NIT2: variants seen among roughly 807,000 people sequenced by gnomAD.
NIT2 encodes nitrilase family member 2, also known as omega-amidase NIT2.
Under a neutral mutation model 42.7 loss-of-function variants are expected in NIT2, and 46 were observed. The ratio of observed to expected loss-of-function variants is 1.08; its 90% CI spans 0.85 to 1.38. NIT2 has a LOEUF of 1.38. NIT2 is among the 40% of genes most tolerant of loss of function. The probability of loss-of-function intolerance (pLI) is 0.00; values close to 1 mark genes in which losing one functional copy is unlikely to be tolerated. For synonymous variants in NIT2, 123 were observed against 121.9 expected (o/e 1.01, Z -0.06); for missense variants, 309 against 342.5 (o/e 0.90, Z 0.77).
At chr3:100,336,698 CT>C (rs1226325527) in intron 1 of NIT2, among the ~76,000 whole-genome samples, 1 of 152,232 alleles carries the variant, frequency 6.6e-6, no homozygotes. Flanking sequence ...GCCTGTCCCC[CT>C]TCCAGCCCTA....
At chr3:100,349,107 A>AT in intron 7 of NIT2, 42 of 316,728 alleles carry the variant, frequency 1.3e-4, no homozygotes, top group South Asian at 5.5e-4. Flanking sequence ...TGGAAACTGT[A>AT]CTTTTTTTTT....
chr3:100,354,799 AG>A lies in NIT2; in HGVS notation c.712del (p.Glu238LysfsTer9). 1 of 1,610,378 alleles carries A rather than the reference AG, an allele frequency of 6.2e-7. No homozygotes were observed. Among genetic ancestry groups the A allele is most frequent in the Non-Finnish European group, 8.5e-7 (1 of 1,178,158 alleles). ...WGEVLAKAGT[E>X]EAIVYSDIDL... Reference sequence around the variant, plus strand: ...GGGAGGTTCTAGCCAAAGCTGGCACAGAAGAAGCAATCGTGTATTCAGACAT... The same window carrying A: ...GGGAGGTTCTAGCCAAAGCTGGCACAAAGAAGCAATCGTGTATTCAGACAT... On this transcript the variant is annotated frameshift_variant, in exon 9 of 10. Coordinates refer to ENST00000394140, the MANE Select transcript of NIT2 (RefSeq NM_020202.5). LOFTEE classifies it high-confidence loss of function.
intron 1 of NIT2, among the ~76,000 whole-genome samples, chr3:100,336,280 TC>T (rs1706070407): frequency 6.6e-6 from 1 of 152,154 alleles, no homozygotes; most frequent in South Asian, 2.1e-4. Context: ...ATTTTCAGAC[TC>T]TGGAGCAGAG....
intron 2 of NIT2, 52 bp from the exon 3 acceptor site, chr3:100,339,763 T>A: frequency 6.4e-7 from 1 of 1,571,776 alleles, no homozygotes; most frequent in South Asian, 1.2e-5. Flanking sequence ...AGCAGAACTT[T>A]AAAATGGGTG....
chr3:100,345,536 A>G (rs758377525), intron 4 of NIT2, 49 bp from the exon 5 acceptor site: 18 of 1,277,532 alleles, frequency 1.4e-5, no homozygotes, highest in Non-Finnish European at 1.8e-5. Flanking sequence ...CATTACTGCC[A>G]TGGACCCTGC....
chr3:100,338,494 G>A lies in NIT2; in HGVS notation c.8-593G>A, dbSNP rs114866291. ...TTTTCCCTCTGCCAGCAGCGGGATC[G>A]ATGTGCTGTGACCCAGCCAGTAGTG... is the stretch of plus-strand genomic sequence containing the variant. On this transcript the variant is annotated intron_variant, in intron 1 of 9. Coordinates refer to ENST00000394140, the MANE Select transcript of NIT2 (RefSeq NM_020202.5). Among the ~76,000 whole-genome samples the A allele has an allele frequency of 6.0e-3, 910 of 152,284 alleles. 7 individuals carry two copies. The highest frequency in any genetic ancestry group is 0.02 in the African/African-American group (846 of 41,566).
intron 4 of NIT2, among the ~76,000 whole-genome samples, chr3:100,343,831 T>G (rs1706181725): frequency 6.6e-6 from 1 of 152,222 alleles, no homozygotes. Flanking sequence ...TGGATCACAC[T>G]TCTGTTTCTT....
chr3:100,337,091 C>A (rs990803358), intron 1 of NIT2, among the ~76,000 whole-genome samples: 1 of 152,238 alleles, frequency 6.6e-6, no homozygotes, highest in African/African-American at 2.4e-5. Flanking sequence ...CAAAGCACAT[C>A]TTGCACAGCC....
chr3:100,337,334 G>A (rs538650848), intron 1 of NIT2, among the ~76,000 whole-genome samples: 285 of 152,254 alleles, frequency 1.9e-3, no homozygotes, highest in Middle Eastern at 0.017. Context: ...AGATTATAAT[G>A]TGCTTTGGAT....
intron 1 of NIT2, chr3:100,335,027 A>G (rs748013424): frequency 9.3e-6 from 5 of 539,960 alleles, no homozygotes; most frequent in Admixed American, 2.5e-5. Context: ...AGAAAGCACC[A>G]GGCCACCCGG....
At chr3:100,335,011 A>G in intron 1 of NIT2, 1 of 546,066 alleles carries the variant, frequency 1.8e-6, no homozygotes. Flanking sequence ...GTGGCGGGCG[A>G]GGCCCAGAAA....
At chr3:100,349,760 G>A (rs1706255709) in intron 7 of NIT2, 1 of 152,214 alleles carries the variant, frequency 6.6e-6, no homozygotes, top group Admixed American at 6.5e-5. Flanking sequence ...TAACTCCAGG[G>A]CTTTGCACAA....
intron 4 of NIT2, among the ~76,000 whole-genome samples, chr3:100,341,469 C>T (rs1706151713): frequency 6.6e-6 from 1 of 151,952 alleles, no homozygotes; most frequent in African/African-American, 2.4e-5. Context: ...CCTGGGTTCA[C>T]ACCATTCTCC....
In NIT2 at chr3:100,355,298, G is replaced by C; in HGVS notation, c.*30G>C. 2.7e-6 allele frequency: 4 copies of C among 1,493,462 alleles called. No individual in the cohort carries two copies. The South Asian group carries it at 4.7e-5, about 17-fold the overall frequency. 92.5% of individuals were successfully genotyped at this position (1,493,462 alleles called of 1,614,324 possible). A position where few individuals can be genotyped will look rare whatever the true frequency, so the allele number is the denominator to read the frequency against. ...TATGTTTCTAATGTGTCACAGAATA[G>C]GACGATATGATTCTACAACATAATC... On this transcript the variant is annotated 3_prime_UTR_variant, in exon 10 of 10. Transcript: ENST00000394140.
At chr3:100,352,605 T>C in intron 8 of NIT2, 103 bp downstream of exon 8, 1 of 738,298 alleles carries the variant, frequency 1.4e-6, no homozygotes. Context: ...GGCGCTCACT[T>C]CTCACTCCCA....
intron 4 of NIT2, among the ~76,000 whole-genome samples, chr3:100,341,892 T>C (rs995954467): frequency 4.0e-5 from 6 of 151,830 alleles, no homozygotes; most frequent in African/African-American, 1.5e-4. Context: ...AAATACAAAA[T>C]TGGCTGGGTG....
At position 100,355,329 on chromosome 3, in the gene NIT2, C is replaced by CGGAGA; in HGVS notation, c.*61_*62insGGAGA. On this transcript the variant is annotated 3_prime_UTR_variant, in exon 10 of 10. Transcript: ENST00000394140. ...TATGATTCTACAACATAATCAACTC[C>CGGAGA]CTATTAAATTCTTTAATGAAGATTT... The CGGAGA allele has an allele frequency of 2.4e-6, 3 of 1,269,834 alleles. No homozygotes were observed. In the South Asian group the frequency reaches 3.9e-5, roughly 17 times the overall value. 78.7% of individuals were successfully genotyped at this position (1,269,834 alleles called of 1,614,324 possible).
rs1355699502 is a variant in NIT2, at chr3:100,341,142, T to G, written c.317T>G (p.Leu106Ter). The G allele has an allele frequency of 6.2e-7, 1 of 1,612,520 alleles. No homozygotes were observed. Among genetic ancestry groups the G allele is most frequent in the South Asian group, 1.1e-5 (1 of 91,064 alleles). The change falls in exon 4 of 10, where the codon TTA becomes TGA. Residue 106 changes from leucine to a stop codon, truncating the protein, a stop_gained. Transcript: ENST00000394140. LOFTEE classifies it high-confidence loss of function. Reference sequence around the variant, plus strand: ...GCTGTGTTTGGGCCTGATGGAACTTTACTAGCAAAGTATAGAAAGGTAAGT... The same window carrying G: ...GCTGTGTTTGGGCCTGATGGAACTTGACTAGCAAAGTATAGAAAGGTAAGT... ...TCAVFGPDGTLLAKYRKIHLF... is the reference protein window; with the variant it reads ...TCAVFGPDGT
intron 9 of NIT2, 71 bp from the exon 10 acceptor site, chr3:100,355,106 C>A: frequency 8.9e-7 from 1 of 1,122,526 alleles, no homozygotes; most frequent in Non-Finnish European, 1.4e-6. Flanking sequence ...TTTATACAGT[C>A]AGGGGAAGAA....
Sources: allele counts gnomAD v4.1 joint callset (sites outside exome capture counted in the v4.1 genomes callset), GRCh38; gene constraint gnomAD v4.1.1; transcripts MANE v1.5; gene names NCBI Gene and HGNC (gene_info 2026-07-23, HGNC 2026-07-21).